The following SAMD12 variants were observed in gnomAD, a reference collection of about 807,000 sequenced individuals.
SAMD12 encodes the protein sterile alpha motif domain-containing protein 12.
SAMD12 carries 9 observed loss-of-function variants against 15.0 expected under a neutral mutation model. The ratio of observed to expected loss-of-function variants is 0.60; its 90% CI spans 0.36 to 1.05. SAMD12 has a LOEUF of 1.05. Among genes scored for constraint, SAMD12 ranks in the 50% least tolerant of loss-of-function variants. SAMD12 has a pLI of 0.01. For missense variants in SAMD12, 230 were observed against 234.2 expected, an observed-to-expected ratio of 0.98 and a Z score of 0.12; for synonymous variants, 86 against 90.1, an observed-to-expected ratio of 0.96 and a Z score of 0.25.
the SAMD12 span, among the ~76,000 whole-genome samples, chr8:118,159,090 A>T: frequency 6.6e-6 from 1 of 151,932 alleles, no homozygotes; most frequent in Non-Finnish European, 1.5e-5. Context: ...TCCACTCACC[A>T]CATTTCAAGC....
At chr8:118,152,376 T>C in the SAMD12 span, among the ~76,000 whole-genome samples, 1 of 152,164 alleles carries the variant, frequency 6.6e-6, no homozygotes, top group African/African-American at 2.4e-5. Context: ...TGTTTGGTTT[T>C]TCTTTTTCCC....
At chr8:118,463,093 T>A (rs1586737213) in intron 2 of SAMD12, among the ~76,000 whole-genome samples, 1 of 68,820 alleles carries the variant, frequency 1.5e-5, no homozygotes, top group South Asian at 6.0e-4. Flanking sequence ...AGAGCGAAAC[T>A]CCGTCTCAAA....
intron 4 of SAMD12, among the ~76,000 whole-genome samples, chr8:118,300,018 C>CT (rs201804948): frequency 4.7e-5 from 7 of 150,280 alleles, no homozygotes; most frequent in Non-Finnish European, 8.8e-5. Context: ...AGGCTTATTC[C>CT]TTTTTTTTCT....
chr8:118,457,338 G>A (rs1051261526), intron 2 of SAMD12, among the ~76,000 whole-genome samples: 137 of 150,314 alleles, frequency 9.1e-4, no homozygotes, highest in African/African-American at 3.2e-3. Context: ...TCAGGGAATC[G>A]TCCCACCTTA....
At chr8:118,549,123 C>T (rs577720159) in intron 2 of SAMD12, among the ~76,000 whole-genome samples, 2 of 152,264 alleles carry the variant, frequency 1.3e-5, no homozygotes, top group Admixed American at 6.5e-5. Context: ...AAAAAGACAA[C>T]AGTAACCTCT....
chr8:118,272,378 A>C (rs112548433), intron 4 of SAMD12, among the ~76,000 whole-genome samples: 2 of 152,026 alleles, frequency 1.3e-5, no homozygotes, highest in Non-Finnish European at 2.9e-5. Context: ...CTACCAAACC[A>C]TGTGTCCTTC....
At chr8:118,320,672 T>TGGGGGGG (rs71569763) in intron 4 of SAMD12, among the ~76,000 whole-genome samples, 46 of 85,216 alleles carry the variant, frequency 5.4e-4, no homozygotes, top group Non-Finnish European at 7.5e-4. Context: ...TGTCGTGGGG[T>TGGGGGGG]GGGGGGGGTG....
chr8:118,305,144 CAAAAAAAAA>C (rs56200866), intron 4 of SAMD12, among the ~76,000 whole-genome samples: 2 of 48,888 alleles, frequency 4.1e-5, no homozygotes, highest in African/African-American at 8.1e-5. Flanking sequence ...GACTCCCTGT[CAAAAAAAAA>C]AAAAAAAAAA....
intron 3 of SAMD12, among the ~76,000 whole-genome samples, chr8:118,388,058 G>A (rs1448975546): frequency 6.6e-6 from 1 of 152,080 alleles, no homozygotes. Flanking sequence ...CCCATAAGAG[G>A]GGCATTTAAC....
At chr8:118,206,464 T>C (rs1819865601) in intron 4 of SAMD12, among the ~76,000 whole-genome samples, 1 of 152,228 alleles carries the variant, frequency 6.6e-6, no homozygotes, top group Admixed American at 6.5e-5. Flanking sequence ...GTCAAAGTCC[T>C]GGGAATACAG....
Position 118,504,647 on chromosome 8 carries a change from G to A in SAMD12, c.193-64686C>T, listed in dbSNP as rs572721464. Among the ~76,000 whole-genome samples, 9 of 152,262 alleles carry A rather than the reference G, an allele frequency of 5.9e-5. 1 individual carries two copies. The highest frequency in any genetic ancestry group is 2.2e-4 in the African/African-American group (9 of 41,544). ...GACCTTCAGATGATGAGACCATCCC[G>A]GATTGTCCTGGTGGGCCCCAAATCC... On this transcript the variant is annotated intron_variant, in intron 2 of 3. Coordinates refer to ENST00000314727, the MANE Select transcript of SAMD12 (RefSeq NM_207506.3).
At chr8:118,564,980 T>C (rs1223068692) in intron 2 of SAMD12, among the ~76,000 whole-genome samples, 2 of 152,192 alleles carry the variant, frequency 1.3e-5, no homozygotes, top group East Asian at 1.9e-4. Flanking sequence ...AAATGCAGCA[T>C]GCCACTTTCT....
At chr8:118,135,941 C>A in the SAMD12 span, among the ~76,000 whole-genome samples, 1 of 152,184 alleles carries the variant, frequency 6.6e-6, no homozygotes, top group African/African-American at 2.4e-5. Flanking sequence ...CATCCTCATC[C>A]TTCCTTCCTT....
chr8:118,562,007 AT>A (rs1420457517), intron 2 of SAMD12, among the ~76,000 whole-genome samples: 1 of 152,222 alleles, frequency 6.6e-6, no homozygotes, highest in East Asian at 1.9e-4. Context: ...AATTAGAAAA[AT>A]AATGTTAATC....
intron 4 of SAMD12, among the ~76,000 whole-genome samples, chr8:118,319,575 T>C (rs929820524): frequency 3.9e-5 from 6 of 152,204 alleles, no homozygotes; most frequent in African/African-American, 1.2e-4. Context: ...GGGTTATAAA[T>C]TGATATTATG....
exon 5 of SAMD12, chr8:118,190,771 G>C (rs966130688): frequency 9.9e-5 from 15 of 152,146 alleles, no homozygotes; most frequent in African/African-American, 3.6e-4. Flanking sequence ...GCTAAGGAGG[G>C]ACAGAGAGCA....
intron 2 of SAMD12, among the ~76,000 whole-genome samples, chr8:118,495,895 T>C (rs1824595705): frequency 6.6e-6 from 1 of 152,050 alleles, no homozygotes; most frequent in Admixed American, 6.6e-5. Flanking sequence ...GGTTTAAGAG[T>C]ATAGAATTCT....
chr8:118,479,066 T>C (rs1200518295), intron 2 of SAMD12, among the ~76,000 whole-genome samples: 3 of 144,568 alleles, frequency 2.1e-5, no homozygotes, highest in Admixed American at 1.3e-4. Flanking sequence ...TGGCTCCCCA[T>C]TTCTCTCAAA....
intron 3 of SAMD12, among the ~76,000 whole-genome samples, chr8:118,428,140 G>T (rs2130862892): frequency 6.6e-6 from 1 of 152,234 alleles, no homozygotes; most frequent in East Asian, 1.9e-4. Flanking sequence ...AGTTTTAAAT[G>T]TTCTTTATGT....
Sources: gnomAD v4.1 joint callset for allele counts (sites outside exome capture counted in the v4.1 genomes callset) on GRCh38, gnomAD v4.1.1 for gene constraint, MANE v1.5 for transcripts, NCBI Gene and HGNC (gene_info 2026-07-23, HGNC 2026-07-21) for gene names.